CARMIL1: variants seen among roughly 807,000 people sequenced by gnomAD.
CARMIL1 encodes the protein F-actin-uncapping protein LRRC16A.
In CARMIL1, 90 loss-of-function variants were observed where a neutral mutation model predicts 177.1. That is an observed-to-expected ratio of 0.51 (90% confidence interval 0.43 to 0.61). The LOEUF (loss-of-function observed/expected upper bound fraction) is 0.61, where lower values mean the gene tolerates loss of function less well. Ranked by LOEUF, CARMIL1 falls within the 20% of genes least tolerant of loss-of-function variation. The pLI is 0.00. For synonymous variants in CARMIL1, 577 were observed against 606.2 expected (o/e 0.95, Z 0.71); for missense variants, 1,380 against 1,667.0 (o/e 0.83, Z 3.00).
At chr6:25,562,395 C>T (rs556699531) in intron 29 of CARMIL1, among the ~76,000 whole-genome samples, 2 of 152,112 alleles carry the variant, frequency 1.3e-5, no homozygotes, top group African/African-American at 4.8e-5. Context: ...TTACAGGCGC[C>T]TGCCACCGCG....
chr6:25,531,378 A>G (rs1807748966), intron 24 of CARMIL1, among the ~76,000 whole-genome samples: 1 of 152,216 alleles, frequency 6.6e-6, no homozygotes. Flanking sequence ...TAATATTCCA[A>G]TTAGGTAAAC....
intron 2 of CARMIL1, among the ~76,000 whole-genome samples, chr6:25,321,172 C>T (rs1784646395): frequency 6.6e-6 from 1 of 152,126 alleles, no homozygotes; most frequent in Admixed American, 6.5e-5. Flanking sequence ...TTACAGCACC[C>T]TGTAGCATAG....
intron 21 of CARMIL1, among the ~76,000 whole-genome samples, chr6:25,516,198 A>G (rs1042554961): frequency 2.0e-5 from 3 of 152,188 alleles, no homozygotes; most frequent in Admixed American, 6.5e-5. Context: ...AGCAGAGCCC[A>G]TACTTCTCTG....
chr6:25,429,750 T>A (rs1193653031), intron 4 of CARMIL1, among the ~76,000 whole-genome samples: 2 of 151,662 alleles, frequency 1.3e-5, no homozygotes, highest in Non-Finnish European at 2.9e-5. Flanking sequence ...TTTCTTTTTT[T>A]AAGCTTCTTA....
At chr6:25,530,732 G>A (rs1013800560) in intron 24 of CARMIL1, among the ~76,000 whole-genome samples, 1 of 152,126 alleles carries the variant, frequency 6.6e-6, no homozygotes, top group Non-Finnish European at 1.5e-5. Context: ...AGAAAAGTAC[G>A]CAATATGAGG....
At chr6:25,433,491 ATTT>A in intron 4 of CARMIL1, among the ~76,000 whole-genome samples, 1 of 152,328 alleles carries the variant, frequency 6.6e-6, no homozygotes, top group South Asian at 2.1e-4. Flanking sequence ...TATGAGCCTA[ATTT>A]CACTAAGTAG....
chr6:25,408,867 A>G (rs892290732), intron 2 of CARMIL1, among the ~76,000 whole-genome samples: 5 of 152,132 alleles, frequency 3.3e-5, no homozygotes, highest in Admixed American at 2.0e-4. Flanking sequence ...AGCCTCACCT[A>G]TGAATGAAGT....
Position 25,365,752 on chromosome 6 carries a change from T to C in CARMIL1, c.139-54362T>C, listed in dbSNP as rs139769440. On this transcript the variant is annotated intron_variant, in intron 2 of 36. Coordinates refer to ENST00000329474, the MANE Select transcript of CARMIL1 (RefSeq NM_017640.6). The stretch of plus-strand genomic sequence containing the variant: ...TTTTAGTAGAGATGGGGTTTTGCCA[T>C]GTTGCCTAGGATGGCCTCGAACTCT... Among the ~76,000 whole-genome samples the C allele has an allele frequency of 2.4e-3, 372 of 152,264 alleles. 2 individuals carry two copies. Among genetic ancestry groups the C allele is most frequent in the Middle Eastern group, 0.01 (3 of 294 alleles).
chr6:25,608,241 A>G (rs112056248), intron 35 of CARMIL1, among the ~76,000 whole-genome samples: 5 of 152,128 alleles, frequency 3.3e-5, no homozygotes, highest in African/African-American at 9.7e-5. Flanking sequence ...CATGGTGCAG[A>G]TATTTTGAGA....
chr6:25,362,119 A>T (rs970042243), intron 2 of CARMIL1, among the ~76,000 whole-genome samples: 7 of 152,206 alleles, frequency 4.6e-5, no homozygotes, highest in African/African-American at 1.4e-4. Context: ...CAGCTTGTTA[A>T]CTGCTGTTCC....
intron 25 of CARMIL1, among the ~76,000 whole-genome samples, chr6:25,538,442 C>T (rs1808531270): frequency 6.6e-6 from 1 of 152,200 alleles, no homozygotes; most frequent in Admixed American, 6.5e-5. Context: ...ATCACACAAT[C>T]ACTGAATGTC....
intron 29 of CARMIL1, among the ~76,000 whole-genome samples, chr6:25,572,669 C>CT (rs1400551191): frequency 1.6e-5 from 2 of 125,750 alleles, no homozygotes; most frequent in Non-Finnish European, 3.1e-5. Context: ...AGCCACTGCA[C>CT]TTCAGACTAG....
chr6:25,536,311 C>T (rs1158436393), intron 24 of CARMIL1, among the ~76,000 whole-genome samples: 1 of 152,056 alleles, frequency 6.6e-6, no homozygotes, highest in Non-Finnish European at 1.5e-5. Flanking sequence ...TAGCTCTATG[C>T]AGGGCATTGT....
chr6:25,474,241 G>A (rs979842558), intron 11 of CARMIL1, among the ~76,000 whole-genome samples: 21 of 151,360 alleles, frequency 1.4e-4, no homozygotes, highest in African/African-American at 4.8e-4. Context: ...CCGAGTAGCT[G>A]GGACTACAGG....
Position 25,302,158 on chromosome 6 carries a change from G to A in CARMIL1, c.138+17249G>A, listed in dbSNP as rs1417165586. On this transcript the variant is annotated intron_variant, in intron 2 of 36. Coordinates refer to ENST00000329474, the MANE Select transcript of CARMIL1 (RefSeq NM_017640.6). ...GATCGGCACTGACCCTATCCAGTTG[G>A]TCAGTGCCTCCCTTATCCTGCTAGT... is the stretch of plus-strand genomic sequence containing the variant. 2.0e-5 allele frequency among the ~76,000 whole-genome samples: 3 copies of A among 152,166 alleles called. No individual in the cohort carries two copies. The East Asian group carries it at 5.8e-4, about 29-fold the overall frequency.
chr6:25,560,182 T>C (rs1336168191), intron 29 of CARMIL1, among the ~76,000 whole-genome samples: 4 of 152,184 alleles, frequency 2.6e-5, no homozygotes, highest in Non-Finnish European at 5.9e-5. Flanking sequence ...CTAATCAAAC[T>C]TAATTTTATA....
At chr6:25,296,935 T>TCTATCTATCTTTAACTAACTAAC (rs11414122) in intron 2 of CARMIL1, among the ~76,000 whole-genome samples, 2 of 136,344 alleles carry the variant, frequency 1.5e-5, no homozygotes, top group South Asian at 2.4e-4. Context: ...CTATCTATCT[T>TCTATCTATCTTTAACTAACTAAC]TAACTAACTA....
chr6:25,588,001 AC>A (rs1813918014), intron 31 of CARMIL1, among the ~76,000 whole-genome samples: 1 of 152,228 alleles, frequency 6.6e-6, no homozygotes, highest in Admixed American at 6.5e-5. Context: ...CAATAAAAAA[AC>A]CACAACAATA....
At chr6:25,307,615 A>G (rs1783379756) in intron 2 of CARMIL1, among the ~76,000 whole-genome samples, 2 of 152,276 alleles carry the variant, frequency 1.3e-5, no homozygotes, top group Non-Finnish European at 2.9e-5. Flanking sequence ...TTATGGAATG[A>G]AAAGTATTCC....
Sources: gnomAD v4.1 joint callset for allele counts (sites outside exome capture counted in the v4.1 genomes callset) on GRCh38, gnomAD v4.1.1 for gene constraint, MANE v1.5 for transcripts, NCBI Gene and HGNC (gene_info 2026-07-23, HGNC 2026-07-21) for gene names.